The following ZFPM2 variants were observed in gnomAD, a reference collection of about 807,000 sequenced individuals.
ZFPM2 encodes the protein zinc finger protein ZFPM2.
ZFPM2 carries 20 observed loss-of-function variants against 98.6 expected under a neutral mutation model. The observed-to-expected ratio is 0.20, with a 90% CI of 0.14 to 0.29. ZFPM2 has a LOEUF of 0.29. Ranked by LOEUF, ZFPM2 falls within the 10% of genes least tolerant of loss-of-function variation. The pLI is 1.00. For missense variants in ZFPM2, 1,310 were observed against 1,388.6 expected (o/e 0.94, Z 0.90); for synonymous variants, 518 against 502.7 (o/e 1.03, Z -0.41).
At chr8:105,683,480 A>G (rs770305374) in intron 5 of ZFPM2, among the ~76,000 whole-genome samples, 3 of 152,116 alleles carry the variant, frequency 2.0e-5, no homozygotes, top group Non-Finnish European at 4.4e-5. Context: ...CTACAAGCCT[A>G]TTTCTGTGGT....
chr8:105,423,968 T>C (rs1303693060), intron 2 of ZFPM2, among the ~76,000 whole-genome samples: 1 of 152,146 alleles, frequency 6.6e-6, no homozygotes, highest in Non-Finnish European at 1.5e-5. Context: ...CACTGGTTGC[T>C]AGTAGAATGT....
intron 1 of ZFPM2, among the ~76,000 whole-genome samples, chr8:105,402,799 G>A (rs1201313221): frequency 6.6e-6 from 1 of 151,936 alleles, no homozygotes; most frequent in African/African-American, 2.4e-5. Flanking sequence ...ATTCTTAATG[G>A]CTAATTATTT....
chr8:105,532,983 A>G (rs1563703135), intron 3 of ZFPM2, among the ~76,000 whole-genome samples: 1 of 152,132 alleles, frequency 6.6e-6, no homozygotes, highest in African/African-American at 2.4e-5. Flanking sequence ...ATTCAGAATG[A>G]TGCTTTTTAT....
At chr8:105,754,444 G>A (rs1812548419) in intron 5 of ZFPM2, among the ~76,000 whole-genome samples, 1 of 152,096 alleles carries the variant, frequency 6.6e-6, no homozygotes, top group Admixed American at 6.6e-5. Flanking sequence ...GAAGTAGTAA[G>A]TCCAGGCTTC....
At position 105,803,321 on chromosome 8, in the gene ZFPM2, C is replaced by CT; in HGVS notation, c.3240dup (p.Glu1081Ter). The CT allele has an allele frequency of 6.2e-7, 1 of 1,603,584 alleles. No individual in the cohort carries two copies. Among genetic ancestry groups the CT allele is most frequent in the Non-Finnish European group, 8.5e-7 (1 of 1,174,274 alleles). ...GACCACAAATCTCCCTCGTGGATCTCTGAGAACCCATTAGCTGCCAATGAG... is the reference window on the plus strand; with the variant it reads ...GACCACAAATCTCCCTCGTGGATCTCTTGAGAACCCATTAGCTGCCAATGAG... On this transcript the variant is annotated frameshift_variant, in exon 8 of 8. Coordinates refer to ENST00000407775, the MANE Select transcript of ZFPM2 (RefSeq NM_012082.4). LOFTEE classifies it high-confidence loss of function.
chr8:105,786,129 A>G (rs942384429), intron 5 of ZFPM2, among the ~76,000 whole-genome samples: 4 of 150,670 alleles, frequency 2.7e-5, no homozygotes, highest in Non-Finnish European at 4.4e-5. Flanking sequence ...TGACTTTTCT[A>G]TAATTCTTAA....
Position 105,625,584 on chromosome 8 carries a change from AT to A in ZFPM2, c.421-8649del, listed in dbSNP as rs71305169. 4.0e-3 allele frequency among the ~76,000 whole-genome samples: 570 copies of A among 142,790 alleles called. 4 individuals carry two copies. The highest frequency in any genetic ancestry group is 0.021 in the East Asian group (101 of 4,848). 93.7% of individuals were successfully genotyped at this position (142,790 alleles called of 152,430 possible). The stretch of plus-strand genomic sequence containing the variant: ...ATTCAGGTGTTATCTGTGAAAACCT[AT>A]TTTTTTTTTTTTCAGTTGGACTTTC... On this transcript the variant is annotated intron_variant, in intron 4 of 7. Transcript: ENST00000407775.
rs16873744 is a variant in ZFPM2, at chr8:105,803,451, A to G, written c.3369A>G (p.Leu1123=). 18,603 of 1,613,764 alleles carry G rather than the reference A, an allele frequency of 0.012. 1,766 individuals are homozygous for G. In the African/African-American group the frequency reaches 0.21, roughly 18 times the overall value. Residue 1123 remains leucine, a synonymous_variant, in exon 8 of 8, where the codon CTA becomes CTG. Coordinates refer to ENST00000407775, the MANE Select transcript of ZFPM2 (RefSeq NM_012082.4). ...QAPTSGKYCR[L]CDIQFNNLSN... ...CAACCAGTGGGAAATATTGCCGGCT[A>G]TGTGATATCCAGTTCAACAACCTTT...
chr8:105,679,391 C>A (rs1810549818), intron 5 of ZFPM2, among the ~76,000 whole-genome samples: 1 of 152,038 alleles, frequency 6.6e-6, no homozygotes, highest in South Asian at 2.1e-4. Context: ...CCATCTGGCC[C>A]CTGTAAGCAT....
chr8:105,431,921 C>CAAAAAA (rs150549199), intron 2 of ZFPM2, among the ~76,000 whole-genome samples: 7 of 133,452 alleles, frequency 5.2e-5, no homozygotes, highest in African/African-American at 6.6e-5. Flanking sequence ...GACTGTGTCT[C>CAAAAAA]AAAAAAAAGA....
intron 2 of ZFPM2, among the ~76,000 whole-genome samples, chr8:105,429,670 A>G (rs1180455673): frequency 6.6e-6 from 1 of 150,812 alleles, no homozygotes; most frequent in Non-Finnish European, 1.5e-5. Context: ...TTAACGAGAA[A>G]CAACAATTCT....
intron 6 of ZFPM2, among the ~76,000 whole-genome samples, chr8:105,795,171 C>T (rs10091488): frequency 0.049 from 7,451 of 151,914 alleles, 625 homozygotes; most frequent in African/African-American, 0.17. Context: ...CCGTCTTCTG[C>T]GTCACTCACG....
intron 5 of ZFPM2, among the ~76,000 whole-genome samples, chr8:105,777,465 G>A (rs898427826): frequency 1.3e-5 from 2 of 152,104 alleles, no homozygotes; most frequent in African/African-American, 4.8e-5. Flanking sequence ...AAATGCAAAA[G>A]GCACACTCCA....
intron 5 of ZFPM2, among the ~76,000 whole-genome samples, chr8:105,678,316 G>A (rs1185912188): frequency 1.3e-5 from 2 of 152,098 alleles, no homozygotes; most frequent in Non-Finnish European, 2.9e-5. Context: ...AGCACCTCTA[G>A]CAACAAAATC....
intron 4 of ZFPM2, among the ~76,000 whole-genome samples, chr8:105,623,747 AT>A (rs150555124): frequency 2.4e-4 from 37 of 151,394 alleles, no homozygotes; most frequent in Admixed American, 4.6e-4. Context: ...TGACCACTGT[AT>A]TTTTTTTTAT....
At chr8:105,585,566 TA>T (rs1815693542) in intron 4 of ZFPM2, among the ~76,000 whole-genome samples, 1 of 152,244 alleles carries the variant, frequency 6.6e-6, no homozygotes, top group Non-Finnish European at 1.5e-5. Context: ...AGACACAATG[TA>T]AGATGTTGCC....
At chr8:105,563,478 C>T (rs974630412) in intron 4 of ZFPM2, among the ~76,000 whole-genome samples, 5 of 152,010 alleles carry the variant, frequency 3.3e-5, no homozygotes, top group African/African-American at 1.2e-4. Context: ...CAGTCCAGAC[C>T]AAATATTTAA....
At chr8:105,415,153 A>G (rs1938075780) in intron 1 of ZFPM2, 1 of 152,104 alleles carries the variant, frequency 6.6e-6, no homozygotes, top group South Asian at 2.1e-4. Flanking sequence ...CACTCACCAG[A>G]ATTTCCCAGT....
At chr8:105,797,551 A>G (rs372333820) in intron 6 of ZFPM2, among the ~76,000 whole-genome samples, 22 of 152,246 alleles carry the variant, frequency 1.4e-4, no homozygotes, top group South Asian at 4.1e-4. Flanking sequence ...AGAGTCTGCA[A>G]TTCTTTCACA....
Sources: allele counts gnomAD v4.1 joint callset (sites outside exome capture counted in the v4.1 genomes callset), GRCh38; gene constraint gnomAD v4.1.1; transcripts MANE v1.5; gene names NCBI Gene and HGNC (gene_info 2026-07-23, HGNC 2026-07-21).